The following LRP1B variants were observed in gnomAD, a reference collection of about 807,000 sequenced individuals.
The protein encoded by LRP1B is LDL receptor related protein 1B.
In LRP1B, 217 loss-of-function variants were observed where a neutral mutation model predicts 556.6. The observed-to-expected ratio is 0.39, with a 90% CI of 0.35 to 0.44. The LOEUF (loss-of-function observed/expected upper bound fraction) is 0.44, where lower values mean the gene tolerates loss of function less well. Ranked by LOEUF, LRP1B falls within the 20% of genes least tolerant of loss-of-function variation. The pLI is 1.00. For missense variants in LRP1B, 5,053 were observed against 5,620.8 expected (o/e 0.90, Z 3.23); for synonymous variants, 2,047 against 1,865.8 (o/e 1.10, Z -2.50).
chr2:141,115,465 T>G lies in LRP1B; in HGVS notation c.1014-53192A>C, dbSNP rs556230143. 2.5e-3 allele frequency among the ~76,000 whole-genome samples: 362 copies of G among 147,316 alleles called. 5 individuals are homozygous for G. Among genetic ancestry groups the G allele is most frequent in the African/African-American group, 8.6e-3 (340 of 39,388 alleles). On this transcript the variant is annotated intron_variant, in intron 7 of 90. Transcript: ENST00000389484. Reference sequence around the variant, plus strand: ...GAATAGGTTTTTGTTTTTGTTTTTTTTTTTTTTTTGAGATGGATTCTGGCT... The same window carrying G: ...GAATAGGTTTTTGTTTTTGTTTTTTGTTTTTTTTTGAGATGGATTCTGGCT...
In LRP1B at chr2:140,510,049, T is replaced by A. The variant is rs2104917726; in HGVS notation, c.8277A>T (p.Ile2759=). ...AGCTGAACATGTCAGCAGCACAGGT[T>A]ATGGCACCTGAAACACAAAAACATA... ...LDESDSICGA[I]TCAADMFSCQ... is the part of the protein sequence containing the mutation. Residue 2759 remains isoleucine, a synonymous_variant, in exon 52 of 91, where the codon ATA becomes ATT. Transcript: ENST00000389484. 1 of 1,613,532 alleles carries A rather than the reference T, an allele frequency of 6.2e-7. No homozygotes were observed. Among genetic ancestry groups the A allele is most frequent in the Non-Finnish European group, 8.5e-7 (1 of 1,179,916 alleles).
At chr2:141,628,198 A>G (rs1220391302) in intron 2 of LRP1B, among the ~76,000 whole-genome samples, 1 of 152,134 alleles carries the variant, frequency 6.6e-6, no homozygotes, top group East Asian at 1.9e-4. Context: ...CTTTTCTAAT[A>G]TTTCTTGTGA....
chr2:140,284,895 G>GATATCTATATACCTACCT (rs147564066), intron 84 of LRP1B, among the ~76,000 whole-genome samples: 54,138 of 111,432 alleles, frequency 0.49, 11,083 homozygotes, highest in African/African-American at 0.56. Context: ...TCTATATATG[G>GATATCTATATACCTACCT]ATATCTATAT....
rs529651539 is a variant in LRP1B, at chr2:141,849,460, T to C, written c.83-39059A>G. Among the ~76,000 whole-genome samples the C allele has an allele frequency of 1.5e-3, 226 of 151,834 alleles. 2 individuals carry two copies. Among genetic ancestry groups the C allele is most frequent in the African/African-American group, 5.2e-3 (217 of 41,522 alleles). Reference sequence around the variant, plus strand: ...CAAAGAAATACATTATGCCCAAATATCTAAAGTTTTACATTTTAAAAAATT... The same window carrying C: ...CAAAGAAATACATTATGCCCAAATACCTAAAGTTTTACATTTTAAAAAATT... On this transcript the variant is annotated intron_variant, in intron 1 of 90. Transcript: ENST00000389484.
chr2:140,959,072 T>G (rs1429410985), intron 18 of LRP1B, among the ~76,000 whole-genome samples: 2 of 151,128 alleles, frequency 1.3e-5, no homozygotes, highest in African/African-American at 4.8e-5. Context: ...TTTTTTTTTT[T>G]GTAAGTCTAT....
At chr2:141,936,181 C>A (rs1300775367) in intron 1 of LRP1B, among the ~76,000 whole-genome samples, 1 of 152,018 alleles carries the variant, frequency 6.6e-6, no homozygotes, top group Non-Finnish European at 1.5e-5. Flanking sequence ...TTTCCTTCTA[C>A]CAAAGGCATT....
At chr2:141,463,651 T>TAATAATATATAATAC (rs1682037330) in intron 3 of LRP1B, among the ~76,000 whole-genome samples, 4 of 135,618 alleles carry the variant, frequency 2.9e-5, no homozygotes, top group African/African-American at 1.1e-4. Context: ...ATATATTATA[T>TAATAATATATAATAC]ATAATTATAT....
Position 141,228,201 on chromosome 2 carries a change from G to A in LRP1B, c.850+982C>T, listed in dbSNP as rs1010207800. ...CAAAGTGCTGGGAGCCACCGCACCC[G>A]GCTTCTCTTAATTTTTCTACAGATT... On this transcript the variant is annotated intron_variant, in intron 6 of 90. Transcript: ENST00000389484. Among the ~76,000 whole-genome samples the A allele has an allele frequency of 1.3e-5, 2 of 152,108 alleles. 1 individual carries two copies. The highest frequency in any genetic ancestry group is 2.9e-5 in the Non-Finnish European group (2 of 68,032).
At chr2:140,668,231 A>G (rs1474350885) in intron 41 of LRP1B, among the ~76,000 whole-genome samples, 1 of 143,216 alleles carries the variant, frequency 7.0e-6, no homozygotes, top group African/African-American at 2.6e-5. Context: ...AATGGCGTGA[A>G]CCCGGGAGGC....
chr2:141,472,316 C>A (rs759057182), intron 3 of LRP1B, among the ~76,000 whole-genome samples: 3 of 152,094 alleles, frequency 2.0e-5, no homozygotes, highest in African/African-American at 4.8e-5. Flanking sequence ...GAGGCCAAGG[C>A]GGGTGGATCA....
chr2:141,913,616 C>A (rs1238948522), intron 1 of LRP1B, among the ~76,000 whole-genome samples: 2 of 152,070 alleles, frequency 1.3e-5, no homozygotes, highest in African/African-American at 2.4e-5. Context: ...AGGAATACCC[C>A]ACTTGGAAAG....
intron 41 of LRP1B, among the ~76,000 whole-genome samples, chr2:140,675,968 G>A (rs1485218190): frequency 6.6e-6 from 1 of 151,676 alleles, no homozygotes; most frequent in Non-Finnish European, 1.5e-5. Flanking sequence ...ATTGATGCAA[G>A]AAAAAAAATA....
intron 45 of LRP1B, among the ~76,000 whole-genome samples, chr2:140,537,871 G>T (rs1210136256): frequency 6.6e-6 from 1 of 152,006 alleles, no homozygotes; most frequent in Non-Finnish European, 1.5e-5. Flanking sequence ...GAGGACAATG[G>T]ACTTATTTTT....
intron 7 of LRP1B, among the ~76,000 whole-genome samples, chr2:141,112,488 G>A (rs923001812): frequency 6.6e-6 from 1 of 151,980 alleles, no homozygotes. Context: ...TGCCTTACAG[G>A]GAAAAAAATA....
intron 15 of LRP1B, among the ~76,000 whole-genome samples, chr2:141,003,904 T>C (rs1048794548): frequency 6.6e-6 from 1 of 152,070 alleles, no homozygotes; most frequent in Non-Finnish European, 1.5e-5. Flanking sequence ...TAAATGCCAA[T>C]GATATATCAT....
At chr2:141,696,397 A>G (rs981755506) in intron 2 of LRP1B, among the ~76,000 whole-genome samples, 5 of 152,020 alleles carry the variant, frequency 3.3e-5, no homozygotes, top group Non-Finnish European at 2.9e-5. Context: ...GAATAAAATA[A>G]ATAAATAATT....
intron 3 of LRP1B, among the ~76,000 whole-genome samples, chr2:141,377,275 G>A (rs1689471413): frequency 6.6e-6 from 1 of 152,112 alleles, no homozygotes; most frequent in Non-Finnish European, 1.5e-5. Flanking sequence ...ATTATAGAAT[G>A]TGTGTATATT....
At chr2:140,605,782 C>G (rs567083344) in intron 41 of LRP1B, among the ~76,000 whole-genome samples, 2 of 151,306 alleles carry the variant, frequency 1.3e-5, no homozygotes, top group Non-Finnish European at 2.9e-5. Context: ...GGTTGAATGA[C>G]GGGCTTATTT....
chr2:141,193,284 A>G (rs1029726590), intron 6 of LRP1B, among the ~76,000 whole-genome samples: 1 of 151,984 alleles, frequency 6.6e-6, no homozygotes, highest in Non-Finnish European at 1.5e-5. Flanking sequence ...CAAGCACTTG[A>G]ATGTTTAACA....
Sources: allele counts gnomAD v4.1 joint callset (sites outside exome capture counted in the v4.1 genomes callset), GRCh38; gene constraint gnomAD v4.1.1; transcripts MANE v1.5; gene names NCBI Gene and HGNC (gene_info 2026-07-23, HGNC 2026-07-21).